The following ACTR3C variants were observed in gnomAD, a reference collection of about 807,000 sequenced individuals.
ACTR3C encodes the protein actin related protein 3C, also known as actin-related protein 3C.
ACTR3C carries 18 observed loss-of-function variants against 26.3 expected under a neutral mutation model. The observed-to-expected ratio is 0.68, with a 90% CI of 0.47 to 1.01. ACTR3C has a LOEUF of 1.01. Ranked by LOEUF, ACTR3C falls within the 50% of genes least tolerant of loss-of-function variation. The probability of loss-of-function intolerance (pLI) is 0.00; values close to 1 mark genes in which losing one functional copy is unlikely to be tolerated. For synonymous variants in ACTR3C, 55 were observed against 94.5 expected (o/e 0.58, Z 2.42); for missense variants, 184 against 250.7 (o/e 0.73, Z 1.80).
chr7:150,119,570 CCA>C, the ACTR3C span, among the ~76,000 whole-genome samples: 597 of 152,202 alleles, frequency 3.9e-3, 1 homozygote, highest in African/African-American at 0.013. Flanking sequence ...ACAGGAGCAC[CCA>C]GATTCATAAA....
At chr7:150,156,481 G>C in the ACTR3C span, among the ~76,000 whole-genome samples, 1 of 152,062 alleles carries the variant, frequency 6.6e-6, no homozygotes, top group Non-Finnish European at 1.5e-5. Context: ...CTTAAGACTT[G>C]AGTATCTTAG....
At chr7:150,128,743 G>T in the ACTR3C span, among the ~76,000 whole-genome samples, 2 of 151,652 alleles carry the variant, frequency 1.3e-5, no homozygotes, top group African/African-American at 4.8e-5. Flanking sequence ...GGAATAACAG[G>T]GACTAGATTT....
the ACTR3C span, among the ~76,000 whole-genome samples, chr7:149,895,375 A>T: frequency 6.7e-6 from 1 of 149,522 alleles, no homozygotes; most frequent in Non-Finnish European, 1.5e-5. Flanking sequence ...TTCTTAAAAA[A>T]TGTAGAGTAC....
intron 1 of ACTR3C, among the ~76,000 whole-genome samples, chr7:150,319,849 G>A (rs1490156206): frequency 6.6e-6 from 1 of 152,092 alleles, no homozygotes; most frequent in Non-Finnish European, 1.5e-5. Flanking sequence ...GAAGCTCTAG[G>A]GGCAGGAGCC....
At chr7:150,223,075 C>A in the ACTR3C span, among the ~76,000 whole-genome samples, 1 of 152,160 alleles carries the variant, frequency 6.6e-6, no homozygotes, top group African/African-American at 2.4e-5. Flanking sequence ...CATCACCCCC[C>A]AAAGGATGTT....
the ACTR3C span, among the ~76,000 whole-genome samples, chr7:150,021,467 T>A: frequency 2.0e-5 from 3 of 148,878 alleles, no homozygotes; most frequent in Admixed American, 1.3e-4. Context: ...TTTTTAAAAA[T>A]TTATTTTATG....
the ACTR3C span, among the ~76,000 whole-genome samples, chr7:150,153,320 T>C: frequency 6.6e-6 from 1 of 150,834 alleles, no homozygotes; most frequent in African/African-American, 2.5e-5. Flanking sequence ...CGCAACCTAC[T>C]CATCTGACAA....
chr7:149,898,341 T>C, the ACTR3C span, among the ~76,000 whole-genome samples: 1 of 152,244 alleles, frequency 6.6e-6, no homozygotes, highest in Non-Finnish European at 1.5e-5. Flanking sequence ...AAGTGACAGA[T>C]ACTATCCTCT....
At chr7:149,942,605 A>G in the ACTR3C span, among the ~76,000 whole-genome samples, 30,682 of 144,888 alleles carry the variant, frequency 0.21, 5,341 homozygotes, top group African/African-American at 0.49. Context: ...AAAGGTTAGC[A>G]CCCATCAGTA....
the ACTR3C span, among the ~76,000 whole-genome samples, chr7:150,149,777 G>A: frequency 6.6e-6 from 1 of 152,056 alleles, no homozygotes. Flanking sequence ...AGTTTGTGAT[G>A]TTTGTGTCAT....
chr7:150,096,678 C>T, the ACTR3C span, among the ~76,000 whole-genome samples: 3 of 151,876 alleles, frequency 2.0e-5, no homozygotes, highest in African/African-American at 4.9e-5. Context: ...ATTGCACTAA[C>T]GGCCTCAATT....
intron 4 of ACTR3C, among the ~76,000 whole-genome samples, chr7:150,289,028 T>C (rs4015676): frequency 0.2 from 28,759 of 144,682 alleles, 4,819 homozygotes; most frequent in African/African-American, 0.45. Context: ...TATGGCCACA[T>C]GTCACAGCCA....
the ACTR3C span, among the ~76,000 whole-genome samples, chr7:150,111,186 G>T: frequency 1.5e-5 from 2 of 130,550 alleles, no homozygotes; most frequent in Non-Finnish European, 3.3e-5. Context: ...GGGCTCCAGG[G>T]ACTCGCTCCA....
the ACTR3C span, among the ~76,000 whole-genome samples, chr7:150,055,284 A>T: frequency 1.3e-5 from 2 of 152,318 alleles, no homozygotes; most frequent in Admixed American, 6.5e-5. Flanking sequence ...GATGATTCTG[A>T]TGCATGCACA....
chr7:150,040,647 C>T, the ACTR3C span: 1 of 146,122 alleles, frequency 6.8e-6, no homozygotes, highest in Non-Finnish European at 1.5e-5. Context: ...TTGTAAATCC[C>T]ACGCAAGGTA....
chr7:150,234,861 C>A, the ACTR3C span, among the ~76,000 whole-genome samples: 1 of 151,948 alleles, frequency 6.6e-6, no homozygotes, highest in Non-Finnish European at 1.5e-5. Flanking sequence ...CTTTTTTTGA[C>A]CTTATGCTCT....
downstream of ACTR3C, chr7:150,244,178 T>TTCA: frequency 7.1e-5 from 1 of 14,184 alleles, no homozygotes; most frequent in African/African-American, 4.3e-4. Context: ...ATATTCAATA[T>TTCA]AGTCTTAGAA....
At chr7:149,981,160 ACT>A in the ACTR3C span, among the ~76,000 whole-genome samples, 2 of 152,114 alleles carry the variant, frequency 1.3e-5, no homozygotes, top group Non-Finnish European at 2.9e-5. Flanking sequence ...GCTGTATAAC[ACT>A]CTAAGAGCAG....
At chr7:150,261,137 C>T (rs953544168) in intron 6 of ACTR3C, among the ~76,000 whole-genome samples, 5 of 152,154 alleles carry the variant, frequency 3.3e-5, no homozygotes, top group African/African-American at 1.2e-4. Context: ...TGAGAGTAAA[C>T]TTTTCAAGAT....
Sources: gnomAD v4.1 joint callset for allele counts (sites outside exome capture counted in the v4.1 genomes callset) on GRCh38, gnomAD v4.1.1 for gene constraint, MANE v1.5 for transcripts, NCBI Gene and HGNC (gene_info 2026-07-23, HGNC 2026-07-21) for gene names.